The following CLCN2 variants were observed in gnomAD, a reference collection of about 807,000 sequenced individuals.
CLCN2 encodes chloride channel protein 2.
In CLCN2, 72 loss-of-function variants were observed where a neutral mutation model predicts 108.3. The ratio of observed to expected loss-of-function variants is 0.66; its 90% confidence interval spans 0.55 to 0.81. The LOEUF is 0.81. Ranked by LOEUF, CLCN2 falls within the 30% of genes least tolerant of loss-of-function variation. The pLI, the probability that CLCN2 is intolerant of heterozygous loss-of-function variation, is 0.00. For synonymous variants in CLCN2, 471 were observed against 467.1 expected (o/e 1.01, Z -0.11); for missense variants, 1,048 against 1,205.2 (o/e 0.87, Z 1.93).
Position 184,346,247 on chromosome 3 carries a change from A to G in CLCN2, c.*359T>C, listed in dbSNP as rs898700357. The G allele has an allele frequency of 1.5e-4, 41 of 271,530 alleles. No homozygotes were observed. The highest frequency in any genetic ancestry group is 2.4e-4 in the Admixed American group (5 of 20,962). The allele number at this position is 271,530 out of a possible 1,614,324, so 16.8% of individuals were successfully genotyped here. ...TCTATTTAAGAATTTGTTTTATTAA[A>G]TTAATATAAAAATCTTTGTAAATCT... is the stretch of plus-strand genomic sequence containing the variant. On this transcript the variant is annotated 3_prime_UTR_variant, in exon 24 of 24. Coordinates refer to ENST00000265593, the MANE Select transcript of CLCN2 (RefSeq NM_004366.6). The surrounding 1 kb of genome is among the most constrained non-coding windows in gnomAD (Gnocchi z 6.0).
Position 184,353,346 on chromosome 3 carries a change from G to GC in CLCN2, c.1931dup (p.Arg645ProfsTer18). On this transcript the variant is annotated frameshift_variant, in exon 17 of 24. Transcript: ENST00000265593. LOFTEE classifies it high-confidence loss of function. ...TGCGCTCCTGCATGTGCTGCCGCCG[G>GC]CGGGCTGGGCTCAGCTGGGCCCCCA... The GC allele has an allele frequency of 6.2e-7, 1 of 1,613,268 alleles. No homozygotes were observed. The highest frequency in any genetic ancestry group is 8.5e-7 in the Non-Finnish European group (1 of 1,179,932).
rs765820782 is a variant in CLCN2, at chr3:184,346,644, C to A, written c.2659G>T (p.Glu887Ter). 12 of 1,614,148 alleles carry A rather than the reference C, an allele frequency of 7.4e-6. No homozygotes were observed. Among genetic ancestry groups the A allele is most frequent in the Non-Finnish European group, 1.0e-5 (12 of 1,180,044 alleles). ...TCGTCGCTGTCGGAAGGGCTGCCCT[C>A]CCGGGGGAGGCCATGACGGGAGTGG... Reference protein sequence around the residue: ...GPHSRHGLPREGSPSDSDDKC... With the variant: ...GPHSRHGLPR Residue 887 changes from glutamate to a stop codon, truncating the protein, a stop_gained, in exon 24 of 24, where the codon GAG becomes TAG. Transcript: ENST00000265593. LOFTEE classifies it high-confidence loss of function. This position sits in a 1 kb window ranked among gnomAD's most constrained non-coding sequence, Gnocchi z 6.0.
At chr3:184,354,687 A>T in intron 13 of CLCN2, 29 bp from the exon 14 acceptor site, 5 of 986,400 alleles carry the variant, frequency 5.1e-6, no homozygotes, top group Non-Finnish European at 6.9e-6. Flanking sequence ...GAAGAGAAAG[A>T]GGCAGTGGAG....
At position 184,347,104 on chromosome 3, in the gene CLCN2, T is replaced by G. The variant is rs1167165861; in HGVS notation, c.2416-83A>C. The stretch of plus-strand genomic sequence containing the variant: ...CAGGCCACAGGGGCCCAGGACAAGG[T>G]TGGTGTGGAATAGGAGGGGTGCCCC... On this transcript the variant is annotated intron_variant, in intron 22 of 23. Coordinates refer to ENST00000265593, the MANE Select transcript of CLCN2 (RefSeq NM_004366.6). The G allele has an allele frequency of 2.5e-6, 3 of 1,221,520 alleles. No homozygotes were observed. The African/African-American group carries it at 4.5e-5, about 18-fold the overall frequency. The allele number at this position is 1,221,520 out of a possible 1,614,324, so 75.7% of individuals were successfully genotyped here. A position where few individuals can be genotyped will look rare whatever the true frequency, so the allele number is the denominator to read the frequency against.
intron 1 of CLCN2, among the ~76,000 whole-genome samples, chr3:184,360,121 A>G (rs983859180): frequency 9.9e-5 from 15 of 151,966 alleles, no homozygotes; most frequent in Admixed American, 2.6e-4. Context: ...GATGGAGAAG[A>G]GAAAGAAGGG....
Position 184,355,327 on chromosome 3 carries a change from A to G in CLCN2, c.1326+47T>C. 1 of 1,607,906 alleles carries G rather than the reference A, an allele frequency of 6.2e-7. No homozygotes were observed. Among genetic ancestry groups the G allele is most frequent in the Admixed American group, 1.7e-5 (1 of 60,004 alleles). The stretch of plus-strand genomic sequence containing the variant: ...TGAGCACTGCGTGGCAGGTGCTTAG[A>G]AGGGCAAGCTATGTAAAGGTTAGCA... On this transcript the variant is annotated intron_variant, in intron 12 of 23. Transcript: ENST00000265593. This position sits in a 1 kb window ranked among gnomAD's most constrained non-coding sequence, Gnocchi z 6.3.
chr3:184,358,261 G>T lies in CLCN2; in HGVS notation c.402C>A (p.Tyr134Ter). The stretch of plus-strand genomic sequence containing the variant: ...CAACAGGGTAGGTGACCCAGGCCAG[G>T]TACTGGAGCAAGATGCTGGTGTTCA... ...RGLNTSILLQ[Y>*]LAWVTYPVVL... Residue 134 changes from tyrosine to a stop codon, truncating the protein, a stop_gained, in exon 4 of 24, where the codon TAC becomes TAA. Transcript: ENST00000265593. LOFTEE classifies it high-confidence loss of function. 1 of 1,614,152 alleles carries T rather than the reference G, an allele frequency of 6.2e-7. No individual in the cohort carries two copies. Among genetic ancestry groups the T allele is most frequent in the Non-Finnish European group, 8.5e-7 (1 of 1,180,038 alleles).
chr3:184,355,571 T>C lies in CLCN2; in HGVS notation c.1171-42A>G. On this transcript the variant is annotated intron_variant, in intron 11 of 23. Coordinates refer to ENST00000265593, the MANE Select transcript of CLCN2 (RefSeq NM_004366.6). The surrounding 1 kb of genome is among the most constrained non-coding windows in gnomAD (Gnocchi z 6.3). ...GCCTCAGGCTGGGAAACCGACAGGA[T>C]GAAGGGAAGAGGCCATGGGATCCCA... is the stretch of plus-strand genomic sequence containing the variant. 6.2e-7 allele frequency: 1 copy of C among 1,612,988 alleles called. No individual in the cohort carries two copies. Among genetic ancestry groups the C allele is most frequent in the East Asian group, 2.2e-5 (1 of 44,866 alleles).
intron 9 of CLCN2, 34 bp downstream of exon 9, chr3:184,357,148 C>G: frequency 6.2e-7 from 1 of 1,611,270 alleles, no homozygotes. Flanking sequence ...AACCCCCCTC[C>G]TCTCTGATAC....
chr3:184,347,104 T>A, intron 22 of CLCN2, 83 bp from the exon 23 acceptor site: 1 of 1,221,636 alleles, frequency 8.2e-7, no homozygotes, highest in Non-Finnish European at 1.2e-6. Context: ...CAGGACAAGG[T>A]TGGTGTGGAA....
chr3:184,357,010 A>AT lies in CLCN2; in HGVS notation c.1067dup (p.Asn356LysfsTer47). On this transcript the variant is annotated frameshift_variant, in exon 10 of 24. Transcript: ENST00000265593. LOFTEE classifies it high-confidence loss of function. ...CCACTCACTTCCTCATGAGGAAGCG[A>AT]TTGATGGTTTTCTGCTTCCGCATCA... 1 of 1,613,306 alleles carries AT rather than the reference A, an allele frequency of 6.2e-7. No individual in the cohort carries two copies. The highest frequency in any genetic ancestry group is 8.5e-7 in the Non-Finnish European group (1 of 1,179,770).
chr3:184,358,668 G>C lies in CLCN2; in HGVS notation c.352+14C>G. On this transcript the variant is annotated intron_variant, in intron 3 of 23. Transcript: ENST00000265593. ...TTTATTCCCAGTCCTCCCCCTGCCA[G>C]CTGTCACCCTCACCTTGCAGACAGG... The C allele has an allele frequency of 6.4e-7, 1 of 1,565,382 alleles. No individual in the cohort carries two copies. Among genetic ancestry groups the C allele is most frequent in the Non-Finnish European group, 8.7e-7 (1 of 1,154,006 alleles).
rs1408637034 is a variant in CLCN2, at chr3:184,355,303, G to A, written c.1326+71C>T. 4.7e-6 allele frequency: 7 copies of A among 1,505,364 alleles called. No homozygotes were observed. Among genetic ancestry groups the A allele is most frequent in the South Asian group, 3.4e-5 (3 of 88,706 alleles). The allele number at this position is 1,505,364 out of a possible 1,614,324, so 93.3% of individuals were successfully genotyped here. A position where few individuals can be genotyped will look rare whatever the true frequency, so the allele number is the denominator to read the frequency against. ...GCACTGTGGAGAGGCTTCGAGGAGTGAGCACTGCGTGGCAGGTGCTTAGAA... is the reference window on the plus strand; with the variant it reads ...GCACTGTGGAGAGGCTTCGAGGAGTAAGCACTGCGTGGCAGGTGCTTAGAA... On this transcript the variant is annotated intron_variant, in intron 12 of 23. Transcript: ENST00000265593. This position sits in a 1 kb window ranked among gnomAD's most constrained non-coding sequence, Gnocchi z 6.3.
At chr3:184,358,615 T>A (rs982741710) in intron 3 of CLCN2, 67 bp downstream of exon 3, 2 of 1,541,386 alleles carry the variant, frequency 1.3e-6, no homozygotes, top group African/African-American at 2.7e-5. Flanking sequence ...CCTCCATGTC[T>A]AGACGAGTGT....
chr3:184,357,200 G>A lies in CLCN2; in HGVS notation c.965C>T (p.Pro322Leu). 1 of 1,613,968 alleles carries A rather than the reference G, an allele frequency of 6.2e-7. No homozygotes were observed. The highest frequency in any genetic ancestry group is 8.5e-7 in the Non-Finnish European group (1 of 1,179,998). Residue 322 changes from proline (P) to leucine (L), a missense_variant, in exon 9 of 24, where the codon CCA becomes CTA. Coordinates refer to ENST00000265593, the MANE Select transcript of CLCN2 (RefSeq NM_004366.6). The part of the protein sequence containing the change: ...LDFPFDLQEL[P>L]AFAVIGIASG... ...TCCTCACCCAATGACAGCAAAGGCTGGCAGCTCCTGCAGGTCAAAGGGGAA... is the reference window on the plus strand; with the variant it reads ...TCCTCACCCAATGACAGCAAAGGCTAGCAGCTCCTGCAGGTCAAAGGGGAA...
Position 184,353,353 on chromosome 3 carries a change from G to A in CLCN2, c.1925C>T (p.Pro642Leu). 2 of 1,613,138 alleles carry A rather than the reference G, an allele frequency of 1.2e-6. No individual in the cohort carries two copies. Among genetic ancestry groups the A allele is most frequent in the Non-Finnish European group, 1.7e-6 (2 of 1,179,866 alleles). The change falls in exon 17 of 24, where the codon CCA becomes CTA. Residue 642 changes from proline (P) to leucine (L), a missense_variant. Transcript: ENST00000265593. Reference sequence around the variant, plus strand: ...CTGCATGTGCTGCCGCCGGCGGGCTGGGCTCAGCTGGGCCCCCAACAATGC... The same window carrying A: ...CTGCATGTGCTGCCGCCGGCGGGCTAGGCTCAGCTGGGCCCCCAACAATGC... The part of the protein sequence containing the change: ...VVALLGAQLS[P>L]ARRRQHMQER...
chr3:184,353,397 G>A lies in CLCN2; in HGVS notation c.1881C>T (p.Ile627=), dbSNP rs780081890. The A allele has an allele frequency of 3.7e-5, 60 of 1,611,814 alleles. No individual in the cohort carries two copies. The South Asian group carries it at 3.8e-4, about 10-fold the overall frequency. ...SPESMILLGS[I]ERSQVVALLG... ...ACAATGCCACCACCTGTGAACGCTC[G>A]ATGGAGCCCAGCAGAATCATGGACT... The change falls in exon 17 of 24, where the codon ATC becomes ATT. Residue 627 remains isoleucine, a synonymous_variant. Coordinates refer to ENST00000265593, the MANE Select transcript of CLCN2 (RefSeq NM_004366.6).
rs765555186 is a variant in CLCN2, at chr3:184,358,988, G to C, written c.207C>G (p.Cys69Trp). The change falls in exon 2 of 24, where the codon TGC becomes TGG. Residue 69 changes from cysteine (C) to tryptophan (W), a missense_variant. Transcript: ENST00000265593. ...CCCAGTTCTCACCGCGGCATCGGGC[G>C]CAACGGCTCCGTCCATATTCCAAGA... ...PELLEYGRSR[C>W]ARCRVCSVRC... is the part of the protein sequence containing the mutation. 5 of 1,613,566 alleles carry C rather than the reference G, an allele frequency of 3.1e-6. No homozygotes were observed. In the Admixed American group the frequency reaches 8.3e-5, roughly 27 times the overall value.
chr3:184,355,320 T>C lies in CLCN2; in HGVS notation c.1326+54A>G. 6.3e-7 allele frequency: 1 copy of C among 1,595,064 alleles called. No homozygotes were observed. Among genetic ancestry groups the C allele is most frequent in the Non-Finnish European group, 8.6e-7 (1 of 1,163,924 alleles). On this transcript the variant is annotated intron_variant, in intron 12 of 23. Transcript: ENST00000265593. This position sits in a 1 kb window ranked among gnomAD's most constrained non-coding sequence, Gnocchi z 6.3. ...CGAGGAGTGAGCACTGCGTGGCAGG[T>C]GCTTAGAAGGGCAAGCTATGTAAAG...
Sources: allele counts gnomAD v4.1 joint callset (sites outside exome capture counted in the v4.1 genomes callset), GRCh38; gene constraint gnomAD v4.1.1; non-coding constraint Gnocchi (gnomAD v3.1); transcripts MANE v1.5; gene names NCBI Gene and HGNC (gene_info 2026-07-23, HGNC 2026-07-21).